Variants in C1QTNF1 observed in about 807,000 individuals in gnomAD.
The protein encoded by C1QTNF1 is C1q and TNF related 1, also known as complement C1q tumor necrosis factor-related protein 1.
A neutral mutation model predicts 27.8 loss-of-function variants in C1QTNF1; 22 were observed. That is an observed-to-expected ratio of 0.79 (90% CI 0.56 to 1.13). C1QTNF1 has a LOEUF of 1.13. C1QTNF1 is among the 50% of genes most tolerant of loss of function. The pLI, the probability that C1QTNF1 is intolerant of heterozygous loss-of-function variation, is 0.00. For synonymous variants in C1QTNF1, 166 were observed against 154.3 expected (o/e 1.08, Z -0.56); for missense variants, 373 against 380.2 (o/e 0.98, Z 0.16).
Position 79,046,293 on chromosome 17 carries a change from C to A in C1QTNF1, c.156-262C>A, listed in dbSNP as rs2072570777. 6.6e-6 allele frequency among the ~76,000 whole-genome samples: 1 copy of A among 152,216 alleles called. No homozygotes were observed. Among genetic ancestry groups the A allele is most frequent in the Non-Finnish European group, 1.5e-5 (1 of 68,032 alleles). ...AGAAGTGTGGATTTCTCCCGAGCAG[C>A]CCCCATCTTGCGTGGCACTCAATTG... On this transcript the variant is annotated intron_variant, in intron 2 of 3. Transcript: ENST00000579760. This position sits in a 1 kb window ranked among gnomAD's most constrained non-coding sequence, Gnocchi z 4.8.
Position 79,048,196 on chromosome 17 carries a change from G to A in C1QTNF1, c.*108G>A. 9.0e-7 allele frequency: 1 copy of A among 1,105,574 alleles called. No individual in the cohort carries two copies. The highest frequency in any genetic ancestry group is 1.2e-6 in the Non-Finnish European group (1 of 802,210). The allele number at this position is 1,105,574 out of a possible 1,614,324, so 68.5% of individuals were successfully genotyped here. On this transcript the variant is annotated 3_prime_UTR_variant, in exon 4 of 4. Transcript: ENST00000579760. Reference sequence around the variant, plus strand: ...TCCGACTCCCTGGCTTTGGCATTCAGTGAGACGCCCTGCACACACAGAAAG... The same window carrying A: ...TCCGACTCCCTGGCTTTGGCATTCAATGAGACGCCCTGCACACACAGAAAG...
At chr17:79,034,330 G>C (rs1457482189) in intron 1 of C1QTNF1, 2 of 152,370 alleles carry the variant, frequency 1.3e-5, no homozygotes, top group African/African-American at 4.8e-5. Flanking sequence ...GGGCAAGCCT[G>C]CCGCCCGAGG....
chr17:79,047,959 G>A lies in C1QTNF1; in HGVS notation c.717G>A (p.Glu239=), dbSNP rs370587194. 15 of 1,613,788 alleles carry A rather than the reference G, an allele frequency of 9.3e-6. No individual in the cohort carries two copies. Among genetic ancestry groups the A allele is most frequent in the Non-Finnish European group, 1.3e-5 (15 of 1,180,030 alleles). The change falls in exon 4 of 4, where the codon GAG becomes GAA. Residue 239 remains glutamate, a synonymous_variant. Transcript: ENST00000579760. ...TGCAAAGCCAGAGCCTGATGCTGGA[G>A]CTGCGAGAGCAGGACCAGGTGTGGG... ...SIMQSQSLML[E]LREQDQVWVR... is the part of the protein sequence containing the mutation.
At position 79,047,835 on chromosome 17, in the gene C1QTNF1, A is replaced by G. The variant is rs773134269; in HGVS notation, c.593A>G (p.Asn198Ser). 1.2e-6 allele frequency: 2 copies of G among 1,614,190 alleles called. No individual in the cohort carries two copies. Among genetic ancestry groups the G allele is most frequent in the South Asian group, 2.2e-5 (2 of 91,080 alleles). Residue 198 changes from asparagine (N) to serine (S), a missense_variant, in exon 4 of 4, where the codon AAC (asparagine) becomes AGC (serine). Physicochemically the swap from Asn to Ser is conservative, Grantham distance 46 (BLOSUM62 1). Transcript: ENST00000579760. ...YVPGLYFFSL[N>S]VHTWNQKETY... ...CCCGGCCTCTACTTCTTCAGCCTCA[A>G]CGTGCACACCTGGAACCAGAAGGAG...
intron 3 of C1QTNF1, 193 bp from the exon 4 acceptor site, chr17:79,047,345 G>A (rs1192912290): frequency 2.2e-6 from 1 of 453,026 alleles, no homozygotes; most frequent in Non-Finnish European, 3.9e-6. Context: ...GGCCATTTTG[G>A]GAATCACAAT....
Position 79,024,452 on chromosome 17 carries a change from A to G in C1QTNF1, c.-57A>G, listed in dbSNP as rs1044348166. ...CGGGAGGAGGCTTGGCCGGCGGGAG[A>G]TGCTCTAGGGGCGGCGCGGGAGGAG... On this transcript the variant is annotated 5_prime_UTR_variant, in exon 1 of 4. The change abolishes an upstream ATG in the 5' untranslated region. Transcript: ENST00000579760. 9.9e-5 allele frequency: 15 copies of G among 151,874 alleles called. No individual in the cohort carries two copies. Among genetic ancestry groups the G allele is most frequent in the African/African-American group, 3.4e-4 (14 of 41,198 alleles). The allele number at this position is 151,874 out of a possible 1,614,324, so 9.4% of individuals were successfully genotyped here.
intron 1 of C1QTNF1, among the ~76,000 whole-genome samples, chr17:79,028,825 C>A (rs2072046139): frequency 6.6e-6 from 1 of 152,116 alleles, no homozygotes; most frequent in Non-Finnish European, 1.5e-5. Flanking sequence ...CCTACAAAAG[C>A]AGTGCCCTAA....
At chr17:79,033,245 G>A (rs1268309041) in intron 1 of C1QTNF1, among the ~76,000 whole-genome samples, 1 of 152,108 alleles carries the variant, frequency 6.6e-6, no homozygotes, top group East Asian at 1.9e-4. Flanking sequence ...TTAAAATGTG[G>A]CTCCTTGGCC....
chr17:79,032,154 C>A (rs1417086494), intron 1 of C1QTNF1, among the ~76,000 whole-genome samples: 2 of 152,150 alleles, frequency 1.3e-5, no homozygotes, highest in Admixed American at 1.3e-4. Flanking sequence ...AAACCAAGGA[C>A]TGTAGACCGG....
intron 1 of C1QTNF1, chr17:79,025,921 T>C (rs1429521468): frequency 2.3e-6 from 1 of 439,656 alleles, no homozygotes; most frequent in East Asian, 7.0e-5. Context: ...ATCATCATCA[T>C]GATGTCAGCC....
At position 79,048,271 on chromosome 17, in the gene C1QTNF1, G is replaced by A; in HGVS notation, c.*183G>A. 4 of 662,038 alleles carry A rather than the reference G, an allele frequency of 6.0e-6. No homozygotes were observed. The highest frequency in any genetic ancestry group is 7.3e-6 in the Non-Finnish European group (3 of 412,388). The allele number at this position is 662,038 out of a possible 1,614,324, so 41.0% of individuals were successfully genotyped here. ...CCCGCAGCCTCTGGAGAGAGCTGAC[G>A]GCAGATGAAATCACCAGGGCGGGGC... On this transcript the variant is annotated 3_prime_UTR_variant, in exon 4 of 4. Coordinates refer to ENST00000579760, the MANE Select transcript of C1QTNF1 (RefSeq NM_030968.5).
chr17:79,047,194 GC>G (rs1473815966), intron 3 of C1QTNF1: 1 of 288,370 alleles, frequency 3.5e-6, no homozygotes, highest in Non-Finnish European at 6.4e-6. Flanking sequence ...AGAGCCCATT[GC>G]TTTTGGACGA....
intron 1 of C1QTNF1, among the ~76,000 whole-genome samples, chr17:79,029,295 C>G (rs2072063686): frequency 6.6e-6 from 1 of 152,190 alleles, no homozygotes; most frequent in Admixed American, 6.5e-5. Context: ...TTTCTGGCCA[C>G]CCCTCGGGGT....
chr17:79,028,315 A>T (rs1001615503), intron 1 of C1QTNF1, among the ~76,000 whole-genome samples: 3 of 152,214 alleles, frequency 2.0e-5, no homozygotes, highest in Admixed American at 6.5e-5. Flanking sequence ...TCAGCAAGAC[A>T]TCTGGATAAC....
rs553692252 is a variant in C1QTNF1, at chr17:79,033,725, G to T, written c.-15+9231G>T. On this transcript the variant is annotated intron_variant, in intron 1 of 3. Coordinates refer to ENST00000579760, the MANE Select transcript of C1QTNF1 (RefSeq NM_030968.5). ...CTCCTAAATAAATAAATAAATAAAT[G>T]TAGAATTAGGAGCAAGAGGAGCTGA... 7.2e-5 allele frequency among the ~76,000 whole-genome samples: 11 copies of T among 151,872 alleles called. No homozygotes were observed. The South Asian group carries it at 2.3e-3, about 32-fold the overall frequency.
Position 79,046,681 on chromosome 17 carries a change from C to A in C1QTNF1, c.282C>A (p.Ile94=), listed in dbSNP as rs1303285643. 6.2e-7 allele frequency: 1 copy of A among 1,614,190 alleles called. No individual in the cohort carries two copies. Among genetic ancestry groups the A allele is most frequent in the South Asian group, 1.1e-5 (1 of 91,086 alleles). Residue 94 remains isoleucine, a synonymous_variant, in exon 3 of 4, where the codon ATC becomes ATA. Coordinates refer to ENST00000579760, the MANE Select transcript of C1QTNF1 (RefSeq NM_030968.5). This position sits in a 1 kb window ranked among gnomAD's most constrained non-coding sequence, Gnocchi z 4.8. ...YPATAVPQIN[I]TILKGEKGDR... is the part of the protein sequence containing the mutation. Reference sequence around the variant, plus strand: ...CGACCGCCGTGCCCCAGATCAACATCACTATCTTGAAAGGTCAGATGGCTG... The same window carrying A: ...CGACCGCCGTGCCCCAGATCAACATAACTATCTTGAAAGGTCAGATGGCTG...
chr17:79,044,903 C>T (rs1342191402), intron 2 of C1QTNF1, among the ~76,000 whole-genome samples: 1 of 152,158 alleles, frequency 6.6e-6, no homozygotes. Context: ...CACATCATTC[C>T]GTTCTTTCTT....
Position 79,043,982 on chromosome 17 carries a change from G to C in C1QTNF1, c.14G>C (p.Gly5Ala). The C allele has an allele frequency of 6.2e-7, 1 of 1,614,124 alleles. No homozygotes were observed. The highest frequency in any genetic ancestry group is 8.5e-7 in the Non-Finnish European group (1 of 1,180,014). Residue 5 changes from glycine to alanine, a missense_variant, in exon 2 of 4, where the codon GGA becomes GCA. Gly to Ala is a moderately conservative substitution (Grantham distance 60). Transcript: ENST00000579760. The part of the protein sequence containing the change: MGSR[G>A]QGLLLAYCLL... ...CCCGGCAGGAAGATGGGCTCCCGTG[G>C]ACAGGGACTCTTGCTGGCGTACTGC...
At chr17:79,027,887 G>A (rs2072014466) in intron 1 of C1QTNF1, among the ~76,000 whole-genome samples, 1 of 152,208 alleles carries the variant, frequency 6.6e-6, no homozygotes, top group African/African-American at 2.4e-5. Context: ...CTCCAGCAGG[G>A]GCACGGGGAC....
Sources: gnomAD v4.1 joint callset for allele counts (sites outside exome capture counted in the v4.1 genomes callset) on GRCh38, gnomAD v4.1.1 for gene constraint, Gnocchi (gnomAD v3.1) non-coding constraint, MANE v1.5 for transcripts, NCBI Gene and HGNC (gene_info 2026-07-23, HGNC 2026-07-21) for gene names.